The following PCDH10 variants were observed in gnomAD, a reference collection of about 807,000 sequenced individuals.
The protein encoded by PCDH10 is protocadherin-10.
Under a neutral mutation model 74.4 loss-of-function variants are expected in PCDH10, and 15 were observed. That is an observed-to-expected ratio of 0.20 (90% confidence interval 0.13 to 0.31). PCDH10 has a LOEUF of 0.31. PCDH10 is among the 10% of genes least tolerant of loss of function. PCDH10 has a pLI of 1.00. For missense variants in PCDH10, 1,260 were observed against 1,390.2 expected (o/e 0.91, Z 1.49); for synonymous variants, 619 against 589.8 (o/e 1.05, Z -0.72).
chr4:133,150,008 C>A lies in PCDH10; in HGVS notation c.-133C>A. 7.8e-7 allele frequency: 1 copy of A among 1,278,210 alleles called. No homozygotes were observed. The highest frequency in any genetic ancestry group is 1.0e-6 in the Non-Finnish European group (1 of 969,820). 79.2% of individuals were successfully genotyped at this position (1,278,210 alleles called of 1,614,324 possible). A position where few individuals can be genotyped will look rare whatever the true frequency, so the allele number is the denominator to read the frequency against. ...GCAAAAGGAGTAAGATTTTTAAAGACAGAAAGCCACAGGAGCCCCCACGTA... is the reference window on the plus strand; with the variant it reads ...GCAAAAGGAGTAAGATTTTTAAAGAAAGAAAGCCACAGGAGCCCCCACGTA... On this transcript the variant is annotated 5_prime_UTR_variant, in exon 1 of 5. Coordinates refer to ENST00000264360, the MANE Select transcript of PCDH10 (RefSeq NM_032961.3).
intron 4 of PCDH10, chr4:133,163,982 A>T (rs961111620): frequency 2.2e-6 from 1 of 453,410 alleles, no homozygotes; most frequent in African/African-American, 2.0e-5. Context: ...ACCTGGACAT[A>T]GATAAAGCAA....
chr4:133,205,407 A>G (rs532168772), intron 2 of PCDH10, among the ~76,000 whole-genome samples: 26 of 152,282 alleles, frequency 1.7e-4, no homozygotes, highest in African/African-American at 4.1e-4. Context: ...TAAACTTTTC[A>G]TAAACACAGG....
At position 133,152,505 on chromosome 4, in the gene PCDH10, C is replaced by T. The variant is rs1018365011; in HGVS notation, c.2365C>T (p.Leu789=). 3 of 1,614,010 alleles carry T rather than the reference C, an allele frequency of 1.9e-6. No homozygotes were observed. In the African/African-American group the frequency reaches 4.0e-5, roughly 22 times the overall value. The change falls in exon 1 of 5, where the codon CTG becomes TTG. Residue 789 remains leucine (L), a synonymous_variant. Transcript: ENST00000264360. ...GAAACTCAGCAAGTCAGACATCATGCTGGTGCAGAGCTCCAATGTACCCAG... is the reference window on the plus strand; with the variant it reads ...GAAACTCAGCAAGTCAGACATCATGTTGGTGCAGAGCTCCAATGTACCCAG... ...KKKLSKSDIM[L]VQSSNVPSNP...
chr4:133,175,743 G>A (rs1326452619), intron 4 of PCDH10, among the ~76,000 whole-genome samples: 3 of 151,970 alleles, frequency 2.0e-5, no homozygotes, highest in Admixed American at 1.3e-4. Context: ...AAAATACTCC[G>A]ATCAGGTTAT....
chr4:133,152,021 C>A lies in PCDH10; in HGVS notation c.1881C>A (p.Asn627Lys), dbSNP rs1438812021. 6.2e-7 allele frequency: 1 copy of A among 1,612,660 alleles called. No homozygotes were observed. The highest frequency in any genetic ancestry group is 1.7e-5 in the Admixed American group (1 of 60,006). ...GCATCGTGCGTGGCAACGAAATGAA[C>A]CTCTTTCGCATGGACTGGCGCACCG... Reference protein sequence around the residue: ...TYSIVRGNEMNLFRMDWRTGE... With the variant: ...TYSIVRGNEMKLFRMDWRTGE... The change falls in exon 1 of 5, where the codon AAC becomes AAA. Residue 627 changes from asparagine to lysine, a missense_variant. By Grantham distance (94) the Asn-to-Lys change is moderately conservative. Coordinates refer to ENST00000264360, the MANE Select transcript of PCDH10 (RefSeq NM_032961.3).
At chr4:133,186,725 G>A (rs768971045) in intron 4 of PCDH10, among the ~76,000 whole-genome samples, 2 of 152,004 alleles carry the variant, frequency 1.3e-5, no homozygotes, top group Non-Finnish European at 2.9e-5. Flanking sequence ...AATAGGTTTT[G>A]TTTGTTTTTT....
chr4:133,202,578 G>A (rs1285565975), intron 2 of PCDH10, among the ~76,000 whole-genome samples: 4 of 151,972 alleles, frequency 2.6e-5, no homozygotes, highest in African/African-American at 9.7e-5. Context: ...GTGTCTCTGT[G>A]GGGCAAGAGA....
At chr4:133,155,312 CAT>C (rs1726843196) in intron 3 of PCDH10, among the ~76,000 whole-genome samples, 2 of 152,150 alleles carry the variant, frequency 1.3e-5, no homozygotes, top group African/African-American at 4.8e-5. Flanking sequence ...TACAGAAAGA[CAT>C]AGCTCTCTCA....
Position 133,170,455 on chromosome 4 carries a change from G to A in PCDH10, c.3103+7173G>A, listed in dbSNP as rs116651118. On this transcript the variant is annotated intron_variant, in intron 4 of 4. Coordinates refer to ENST00000264360, the MANE Select transcript of PCDH10 (RefSeq NM_032961.3). ...AATACATTTTATATGCTCTGGTTTC[G>A]TGATTCAGTGGTATGGATACACTCA... Among the ~76,000 whole-genome samples, 682 of 152,034 alleles carry A rather than the reference G, an allele frequency of 4.5e-3. 3 individuals carry two copies. Among genetic ancestry groups the A allele is most frequent in the African/African-American group, 0.015 (633 of 41,470 alleles).
intron 2 of PCDH10, among the ~76,000 whole-genome samples, chr4:133,199,813 T>A (rs1307536115): frequency 7.6e-6 from 1 of 131,282 alleles, no homozygotes; most frequent in African/African-American, 2.6e-5. Context: ...TATTATTATT[T>A]TCAAGACGGA....
At chr4:133,183,389 G>A (rs1428778535) in intron 4 of PCDH10, among the ~76,000 whole-genome samples, 1 of 151,960 alleles carries the variant, frequency 6.6e-6, no homozygotes, top group Non-Finnish European at 1.5e-5. Flanking sequence ...AAATTTCTCA[G>A]TGCCTACTGA....
chr4:133,200,966 TTTGG>T (rs1373897615), intron 2 of PCDH10, among the ~76,000 whole-genome samples: 14 of 148,904 alleles, frequency 9.4e-5, no homozygotes, highest in African/African-American at 3.6e-4. Context: ...CACTGTTAAA[TTTGG>T]CCTAAAAAAC....
rs1214920366 is a variant in PCDH10, at chr4:133,149,870, T to G, written c.-271T>G. Reference sequence around the variant, plus strand: ...CGCTGACTATTGTATTATTGTTATTTTATTAATTAGTCAGTGGAAAGATTA... The same window carrying G: ...CGCTGACTATTGTATTATTGTTATTGTATTAATTAGTCAGTGGAAAGATTA... On this transcript the variant is annotated 5_prime_UTR_variant, in exon 1 of 5. Coordinates refer to ENST00000264360, the MANE Select transcript of PCDH10 (RefSeq NM_032961.3). The G allele has an allele frequency of 1.2e-5, 4 of 330,510 alleles. No homozygotes were observed. The highest frequency in any genetic ancestry group is 1.1e-5 in the Non-Finnish European group (2 of 182,648). The allele number at this position is 330,510 out of a possible 1,614,324, so 20.5% of individuals were successfully genotyped here.
rs1727732724 is a variant in PCDH10, at chr4:133,193,782, TC to T, written c.*3623del. The T allele has an allele frequency of 6.6e-6, 1 of 151,690 alleles. No homozygotes were observed. Among genetic ancestry groups the T allele is most frequent in the South Asian group, 2.1e-4 (1 of 4,828 alleles). 9.4% of individuals were successfully genotyped at this position (151,690 alleles called of 1,614,324 possible). On this transcript the variant is annotated 3_prime_UTR_variant, in exon 5 of 5. Transcript: ENST00000264360. The stretch of plus-strand genomic sequence containing the variant: ...GTATACTTGATGATTTTTCTGAAAA[TC>T]TTATATTTTTCATATTACAAATTCT...
chr4:133,180,434 A>G (rs1727392168), intron 4 of PCDH10, among the ~76,000 whole-genome samples: 1 of 151,966 alleles, frequency 6.6e-6, no homozygotes, highest in Admixed American at 6.6e-5. Context: ...TCATTATTGC[A>G]TAAGTTATAT....
At chr4:133,198,915 A>G (rs1019698103), downstream of PCDH10, among the ~76,000 whole-genome samples, 1 of 97,752 alleles carries the variant, frequency 1.0e-5, no homozygotes, top group Non-Finnish European at 2.0e-5. Context: ...TGTCTATCCC[A>G]GTCCTAGATA....
intron 4 of PCDH10, among the ~76,000 whole-genome samples, chr4:133,177,985 G>C (rs559449172): frequency 1.3e-5 from 2 of 152,080 alleles, no homozygotes; most frequent in Admixed American, 1.3e-4. Flanking sequence ...TAGAGACCAA[G>C]GGCATTCTAG....
In PCDH10 at chr4:133,152,001, G is replaced by T. The variant is rs1394751102; in HGVS notation, c.1861G>T (p.Val621Leu). ...GENARLTYSI[V>L]RGNEMNLFRM... ...GAACGCCCGGCTCACTTACAGCATC[G>T]TGCGTGGCAACGAAATGAACCTCTT... The change falls in exon 1 of 5, where the codon GTG becomes TTG. Residue 621 changes from valine (V) to leucine (L), a missense_variant. By Grantham distance (32) the Val-to-Leu change is conservative (BLOSUM62 1). Around this residue, in one of 11 missense-constraint regions of PCDH10, gnomAD observed 587 missense variants for 616.9 expected, o/e 0.95. Transcript: ENST00000264360. 4 of 1,612,742 alleles carry T rather than the reference G, an allele frequency of 2.5e-6. No homozygotes were observed. Among genetic ancestry groups the T allele is most frequent in the Non-Finnish European group, 3.4e-6 (4 of 1,179,828 alleles).
intron 2 of PCDH10, among the ~76,000 whole-genome samples, chr4:133,206,479 A>G (rs922357241): frequency 2.0e-5 from 3 of 152,176 alleles, no homozygotes; most frequent in African/African-American, 7.2e-5. Flanking sequence ...CTACTTCAGA[A>G]CTAATTTGTG....
Sources: allele counts gnomAD v4.1 joint callset (sites outside exome capture counted in the v4.1 genomes callset), GRCh38; gene constraint gnomAD v4.1.1; regional missense constraint gnomAD v4.1.1; transcripts MANE v1.5; gene names NCBI Gene and HGNC (gene_info 2026-07-23, HGNC 2026-07-21).